Variants in NELL1 observed in about 807,000 individuals in gnomAD.
NELL1 encodes the protein protein kinase C-binding protein NELL1.
In NELL1, 76 loss-of-function variants were observed where a neutral mutation model predicts 107.4. That is an observed-to-expected ratio of 0.71 (90% confidence interval 0.59 to 0.86). The LOEUF (loss-of-function observed/expected upper bound fraction) is 0.86. Ranked by LOEUF, NELL1 falls within the 40% of genes least tolerant of loss-of-function variation. The pLI, the probability that NELL1 is intolerant of heterozygous loss-of-function variation, is 0.00. For synonymous variants in NELL1, 353 were observed against 341.2 expected (o/e 1.03, Z -0.38); for missense variants, 1,024 against 1,005.5 (o/e 1.02, Z -0.25).
chr11:21,406,898 G>C (rs1221358398), intron 15 of NELL1, among the ~76,000 whole-genome samples: 1 of 151,910 alleles, frequency 6.6e-6, no homozygotes, highest in Non-Finnish European at 1.5e-5. Context: ...TCACTCTACT[G>C]TGCTGTGAAA....
chr11:21,358,919 C>T (rs1851008846), intron 14 of NELL1, among the ~76,000 whole-genome samples: 1 of 152,050 alleles, frequency 6.6e-6, no homozygotes. Context: ...ATACAATTGG[C>T]AAACAGCAAC....
intron 3 of NELL1, among the ~76,000 whole-genome samples, chr11:20,826,987 T>A (rs1447810413): frequency 6.6e-6 from 1 of 151,360 alleles, no homozygotes; most frequent in African/African-American, 2.4e-5. Flanking sequence ...GATCTGGCTC[T>A]ATTGCTCACT....
intron 12 of NELL1, among the ~76,000 whole-genome samples, chr11:21,043,917 T>G (rs920034067): frequency 6.6e-6 from 1 of 152,168 alleles, no homozygotes; most frequent in African/African-American, 2.4e-5. Flanking sequence ...GACCATGTTC[T>G]TTTTCAGATA....
At chr11:21,018,091 C>T (rs937325772) in intron 12 of NELL1, among the ~76,000 whole-genome samples, 4 of 152,078 alleles carry the variant, frequency 2.6e-5, no homozygotes, top group Admixed American at 2.0e-4. Context: ...CTCTTTGATC[C>T]TGCTGTATTT....
intron 14 of NELL1, among the ~76,000 whole-genome samples, chr11:21,274,350 T>C (rs532619871): frequency 6.6e-6 from 1 of 152,190 alleles, no homozygotes; most frequent in Admixed American, 6.5e-5. Context: ...AAGAGCTAAC[T>C]ATCCTAAATA....
chr11:21,571,290 A>G (rs1023200612), intron 18 of NELL1, among the ~76,000 whole-genome samples: 1 of 151,862 alleles, frequency 6.6e-6, no homozygotes, highest in African/African-American at 2.4e-5. Context: ...TTTCTGTGCC[A>G]TAACCCTTAA....
At chr11:21,085,188 G>T (rs953429141) in intron 12 of NELL1, among the ~76,000 whole-genome samples, 2 of 152,024 alleles carry the variant, frequency 1.3e-5, no homozygotes, top group African/African-American at 2.4e-5. Context: ...GTATTGGGGG[G>T]CACAATGAGC....
At chr11:21,274,593 T>G (rs923211359) in intron 14 of NELL1, among the ~76,000 whole-genome samples, 1 of 152,302 alleles carries the variant, frequency 6.6e-6, no homozygotes, top group Admixed American at 6.5e-5. Context: ...CAACAGAATA[T>G]ACATTCGTCT....
chr11:20,710,619 C>G (rs1280389402), intron 2 of NELL1, among the ~76,000 whole-genome samples: 2 of 151,986 alleles, frequency 1.3e-5, no homozygotes, highest in Non-Finnish European at 2.9e-5. Context: ...AATATTAATT[C>G]TTCTTTGAAT....
At chr11:20,880,826 AC>A (rs1181003390) in intron 4 of NELL1, among the ~76,000 whole-genome samples, 4 of 152,086 alleles carry the variant, frequency 2.6e-5, no homozygotes, top group African/African-American at 4.8e-5. Context: ...AGCTCTGTCC[AC>A]CCCTTAGCCC....
At chr11:21,412,867 C>T (rs1325371722) in intron 15 of NELL1, among the ~76,000 whole-genome samples, 1 of 152,016 alleles carries the variant, frequency 6.6e-6, no homozygotes, top group Non-Finnish European at 1.5e-5. Flanking sequence ...TCTCATGAGT[C>T]CCATTTGCAA....
chr11:21,482,568 A>C (rs2133901878), intron 15 of NELL1, among the ~76,000 whole-genome samples: 2 of 152,282 alleles, frequency 1.3e-5, no homozygotes, highest in South Asian at 2.1e-4. Context: ...TAGATGACAA[A>C]TGCTAGCTGT....
intron 3 of NELL1, among the ~76,000 whole-genome samples, chr11:20,791,575 A>C (rs1857074297): frequency 1.3e-5 from 2 of 152,112 alleles, no homozygotes. Context: ...TTTTATACCA[A>C]ATTGCCCTGG....
chr11:21,177,471 A>G (rs1163212366), intron 13 of NELL1, among the ~76,000 whole-genome samples: 1 of 151,762 alleles, frequency 6.6e-6, no homozygotes, highest in East Asian at 1.9e-4. Flanking sequence ...AGAGTATTCT[A>G]TTGTGTATAT....
chr11:21,284,763 G>A (rs1003745094), intron 14 of NELL1: 10 of 341,326 alleles, frequency 2.9e-5, no homozygotes, highest in African/African-American at 1.5e-4. Flanking sequence ...AAACCCTACC[G>A]CCATGCTGCT....
At chr11:21,158,110 T>C (rs1456264429) in intron 13 of NELL1, among the ~76,000 whole-genome samples, 1 of 152,164 alleles carries the variant, frequency 6.6e-6, no homozygotes, top group Non-Finnish European at 1.5e-5. Flanking sequence ...TCCAACTTTC[T>C]CCCACACTAG....
chr11:21,055,597 G>C (rs10833450), intron 12 of NELL1, among the ~76,000 whole-genome samples: 3 of 151,836 alleles, frequency 2.0e-5, no homozygotes, highest in Admixed American at 1.3e-4. Flanking sequence ...TCTGTTATCT[G>C]TTCTAATTGA....
intron 13 of NELL1, among the ~76,000 whole-genome samples, chr11:21,178,196 T>C (rs1183467686): frequency 2.0e-5 from 3 of 151,944 alleles, no homozygotes; most frequent in African/African-American, 4.9e-5. Context: ...GCCCTGTTTT[T>C]CTAATAGGGA....
chr11:20,829,157 A>G (rs1857949234), intron 3 of NELL1, among the ~76,000 whole-genome samples: 1 of 152,016 alleles, frequency 6.6e-6, no homozygotes, highest in Non-Finnish European at 1.5e-5. Context: ...GTTTCCTCTA[A>G]TATTAACATC....
Sources: allele counts gnomAD v4.1 joint callset (sites outside exome capture counted in the v4.1 genomes callset), GRCh38; gene constraint gnomAD v4.1.1; transcripts MANE v1.5; gene names NCBI Gene and HGNC (gene_info 2026-07-23, HGNC 2026-07-21).